Variants in KCNH5 observed in about 807,000 individuals in gnomAD.
The protein encoded by KCNH5 is voltage-gated delayed rectifier potassium channel KCNH5.
A neutral mutation model predicts 96.1 loss-of-function variants in KCNH5; 46 were observed. The ratio of observed to expected loss-of-function variants is 0.48; its 90% CI spans 0.38 to 0.61. The LOEUF is 0.61. Among genes scored for constraint, KCNH5 ranks in the 20% least tolerant of loss-of-function variants. The probability of loss-of-function intolerance (pLI) is 0.00; values close to 1 mark genes in which losing one functional copy is unlikely to be tolerated. For synonymous variants in KCNH5, 439 were observed against 449.8 expected (o/e 0.98, Z 0.30); for missense variants, 907 against 1,225.8 (o/e 0.74, Z 3.88).
intron 10 of KCNH5, among the ~76,000 whole-genome samples, chr14:62,755,154 GAAAT>G (rs1885593314): frequency 6.6e-6 from 1 of 151,584 alleles, no homozygotes; most frequent in East Asian, 2.0e-4. Flanking sequence ...ACAAATCAAT[GAAAT>G]AAAAAGTTGG....
intron 9 of KCNH5, among the ~76,000 whole-genome samples, chr14:62,783,916 A>G (rs1275747094): frequency 2.0e-5 from 3 of 151,162 alleles, no homozygotes; most frequent in East Asian, 1.9e-4. Flanking sequence ...AGAATTGTCA[A>G]TTAAGAAATC....
At chr14:62,961,068 A>G (rs369629777) in intron 6 of KCNH5, among the ~76,000 whole-genome samples, 4 of 152,274 alleles carry the variant, frequency 2.6e-5, no homozygotes, top group Admixed American at 2.0e-4. Flanking sequence ...TATGTACCCT[A>G]TGAAGAGGTG....
At chr14:62,840,030 A>T (rs10047884) in intron 8 of KCNH5, among the ~76,000 whole-genome samples, 16,371 of 152,022 alleles carry the variant, frequency 0.11, 1,111 homozygotes, top group East Asian at 0.29. Flanking sequence ...ACTATTGAAG[A>T]TTTTTCTCCC....
At chr14:62,752,474 ACTGTC>A (rs71120231) in intron 10 of KCNH5, among the ~76,000 whole-genome samples, 80,302 of 150,844 alleles carry the variant, frequency 0.53, 21,660 homozygotes, top group South Asian at 0.8. Context: ...AGGGAATCCT[ACTGTC>A]CTGTCCTGAA....
At chr14:62,894,349 CGGAAACTGTA>C (rs1430413002) in intron 7 of KCNH5, among the ~76,000 whole-genome samples, 1 of 152,092 alleles carries the variant, frequency 6.6e-6, no homozygotes, top group Non-Finnish European at 1.5e-5. Context: ...TCCTATGGAC[CGGAAACTGTA>C]GGAGTGCAAA....
chr14:63,011,537 T>G (rs1352101600), intron 2 of KCNH5, among the ~76,000 whole-genome samples: 2 of 151,186 alleles, frequency 1.3e-5, no homozygotes, highest in East Asian at 3.9e-4. Flanking sequence ...TTGGAATAAA[T>G]CAAAGACATT....
At position 62,738,147 on chromosome 14, in the gene KCNH5, T is replaced by G. The variant is rs145862720; in HGVS notation, c.2020-29692A>C. ...ATACCATGACAGTCAATCTGATGAC[T>G]GAGACGGCTACTAAATGGCTAATGT... is the stretch of plus-strand genomic sequence containing the variant. On this transcript the variant is annotated intron_variant, in intron 10 of 10. Transcript: ENST00000322893. Among the ~76,000 whole-genome samples the G allele has an allele frequency of 6.0e-3, 916 of 152,288 alleles. 6 individuals are homozygous for G. Among genetic ancestry groups the G allele is most frequent in the African/African-American group, 0.021 (872 of 41,568 alleles).
intron 8 of KCNH5, among the ~76,000 whole-genome samples, chr14:62,838,827 G>A (rs171457): frequency 0.45 from 68,663 of 151,918 alleles, 15,935 homozygotes; most frequent in South Asian, 0.63. Context: ...GTGTTGGAAA[G>A]AGTAAACATT....
intron 7 of KCNH5, among the ~76,000 whole-genome samples, chr14:62,912,235 G>T (rs1889181611): frequency 6.6e-6 from 1 of 151,964 alleles, no homozygotes; most frequent in Non-Finnish European, 1.5e-5. Flanking sequence ...AGCAAATTCA[G>T]TGTTAATAAT....
chr14:62,993,408 T>C (rs1890849505), intron 4 of KCNH5, among the ~76,000 whole-genome samples: 1 of 152,020 alleles, frequency 6.6e-6, no homozygotes, highest in Non-Finnish European at 1.5e-5. Flanking sequence ...TTGGACAAAA[T>C]GGTCATAGAA....
At chr14:62,807,383 AAC>A (rs1886788928) in intron 8 of KCNH5, among the ~76,000 whole-genome samples, 1 of 152,152 alleles carries the variant, frequency 6.6e-6, no homozygotes. Context: ...AATTGGCTGA[AAC>A]AAAAATAAGC....
At chr14:62,764,167 C>T (rs1423282372) in intron 10 of KCNH5, among the ~76,000 whole-genome samples, 3 of 152,124 alleles carry the variant, frequency 2.0e-5, no homozygotes, top group Admixed American at 6.6e-5. Flanking sequence ...CATCAAAAAG[C>T]TAATCCATCA....
chr14:62,997,086 T>C (rs1890918464), intron 4 of KCNH5, among the ~76,000 whole-genome samples: 1 of 152,226 alleles, frequency 6.6e-6, no homozygotes, highest in Non-Finnish European at 1.5e-5. Flanking sequence ...TTTATAGGTA[T>C]ATGAGATGTT....
At chr14:62,749,694 A>C (rs1459945209) in intron 10 of KCNH5, among the ~76,000 whole-genome samples, 1 of 152,168 alleles carries the variant, frequency 6.6e-6, no homozygotes, top group East Asian at 1.9e-4. Context: ...TGAGCTGCAG[A>C]TTTCCCTTAG....
Position 62,842,162 on chromosome 14 carries a change from G to T in KCNH5, c.1569+7491C>A, listed in dbSNP as rs541517449. Among the ~76,000 whole-genome samples, 46 of 152,282 alleles carry T rather than the reference G, an allele frequency of 3.0e-4. 2 individuals are homozygous for T. The South Asian group carries it at 8.5e-3, about 28-fold the overall frequency. ...ATTAGCTGACAATAATGTAAAGCTTGCAATGGAACCCTCTTAAACTACGCT... is the reference window on the plus strand; with the variant it reads ...ATTAGCTGACAATAATGTAAAGCTTTCAATGGAACCCTCTTAAACTACGCT... On this transcript the variant is annotated intron_variant, in intron 8 of 10. Transcript: ENST00000322893.
intron 8 of KCNH5, among the ~76,000 whole-genome samples, chr14:62,847,252 C>G (rs1258454368): frequency 1.3e-5 from 2 of 150,886 alleles, no homozygotes; most frequent in East Asian, 3.9e-4. Flanking sequence ...TTTACAAAAC[C>G]AGAGAGCTGA....
At chr14:62,801,197 A>T (rs2139998777) in intron 9 of KCNH5, among the ~76,000 whole-genome samples, 1 of 152,074 alleles carries the variant, frequency 6.6e-6, no homozygotes, top group East Asian at 1.9e-4. Context: ...TAGTTTTTAA[A>T]ATCTATCAGT....
chr14:62,863,823 G>A (rs1888082587), intron 7 of KCNH5, among the ~76,000 whole-genome samples: 2 of 152,100 alleles, frequency 1.3e-5, no homozygotes, highest in Non-Finnish European at 2.9e-5. Context: ...GCACAGATCT[G>A]AAAAGATTAA....
intron 1 of KCNH5, among the ~76,000 whole-genome samples, chr14:63,031,874 T>A (rs1187297744): frequency 1.3e-5 from 2 of 152,108 alleles, no homozygotes; most frequent in Non-Finnish European, 2.9e-5. Context: ...CTTATATATA[T>A]ACAATTTTTA....
Sources: allele counts gnomAD v4.1 joint callset (sites outside exome capture counted in the v4.1 genomes callset), GRCh38; gene constraint gnomAD v4.1.1; transcripts MANE v1.5; gene names NCBI Gene and HGNC (gene_info 2026-07-23, HGNC 2026-07-21).